PNPLA8: variants seen among roughly 807,000 people sequenced by gnomAD.
PNPLA8 encodes calcium-independent phospholipase A2-gamma.
A neutral mutation model predicts 76.9 loss-of-function variants in PNPLA8; 39 were observed. The observed-to-expected ratio is 0.51, with a 90% CI of 0.39 to 0.66. The LOEUF is 0.66. Among genes scored for constraint, PNPLA8 ranks in the 30% least tolerant of loss-of-function variants. The pLI, the probability that PNPLA8 is intolerant of heterozygous loss-of-function variation, is 0.00. For synonymous variants in PNPLA8, 301 were observed against 307.9 expected (o/e 0.98, Z 0.24); for missense variants, 887 against 918.0 (o/e 0.97, Z 0.44).
At chr7:108,526,159 C>A, upstream of PNPLA8, 1 of 867,928 alleles carries the variant, frequency 1.2e-6, no homozygotes, top group Non-Finnish European at 1.4e-6. Context: ...GGTCGCCACC[C>A]ACTCAGCCCC....
intron 4 of PNPLA8, among the ~76,000 whole-genome samples, chr7:108,509,112 A>G (rs1448867964): frequency 8.9e-6 from 1 of 111,990 alleles, no homozygotes; most frequent in African/African-American, 3.9e-5. Context: ...GGACATAGGC[A>G]TGGTCAAGGA....
chr7:108,486,179 A>T (rs986906191), intron 9 of PNPLA8, among the ~76,000 whole-genome samples: 3 of 152,100 alleles, frequency 2.0e-5, no homozygotes, highest in Non-Finnish European at 4.4e-5. Flanking sequence ...CAAATGAAAT[A>T]ACTTCTTTTG....
At chr7:108,480,593 C>CAGG in intron 9 of PNPLA8, 1 of 231,556 alleles carries the variant, frequency 4.3e-6, no homozygotes, top group Non-Finnish European at 9.2e-6. Context: ...AGCACTATCA[C>CAGG]TGCTGAGAAT....
chr7:108,507,216 G>A (rs897582701), intron 4 of PNPLA8, among the ~76,000 whole-genome samples: 13 of 151,638 alleles, frequency 8.6e-5, no homozygotes, highest in East Asian at 3.9e-4. Context: ...GGTGGCGGGC[G>A]CCTGTAGTCC....
At position 108,496,641 on chromosome 7, in the gene PNPLA8, A is replaced by G; in HGVS notation, c.1568T>C (p.Val523Ala). ...VFSQNVIVGT[V>A]KMSWSHAFYD... ...AAATGCATGGCTCCAACTCATTTTT[A>G]CTGTTCCAACAATGACATTTTGTGA... The change falls in exon 7 of 11, where the codon GTA (valine) becomes GCA (alanine). Residue 523 changes from valine to alanine, a missense_variant. Physicochemically the swap from Val to Ala is moderately conservative, Grantham distance 64. Transcript: ENST00000257694. The G allele has an allele frequency of 6.2e-7, 1 of 1,610,060 alleles. No individual in the cohort carries two copies. Among genetic ancestry groups the G allele is most frequent in the Non-Finnish European group, 8.5e-7 (1 of 1,178,452 alleles).
At chr7:108,522,018 G>C (rs371535978) in intron 1 of PNPLA8, among the ~76,000 whole-genome samples, 1 of 152,162 alleles carries the variant, frequency 6.6e-6, no homozygotes, top group East Asian at 1.9e-4. Flanking sequence ...TTTACAGGCC[G>C]GGCGTGGTGG....
intron 7 of PNPLA8, among the ~76,000 whole-genome samples, chr7:108,492,616 GA>G (rs540499986): frequency 6.7e-6 from 1 of 149,656 alleles, no homozygotes; most frequent in Non-Finnish European, 1.5e-5. Context: ...GTCAAAATAT[GA>G]AAAAAAAATC....
At chr7:108,475,601 G>A (rs1454665568) in intron 10 of PNPLA8, among the ~76,000 whole-genome samples, 1 of 152,082 alleles carries the variant, frequency 6.6e-6, no homozygotes, top group Non-Finnish European at 1.5e-5. Flanking sequence ...TCTCAGTAAT[G>A]TTTTATAGTT....
intron 5 of PNPLA8, 31 bp downstream of exon 5, chr7:108,502,460 A>AG: frequency 7.0e-7 from 1 of 1,421,292 alleles, no homozygotes; most frequent in Non-Finnish European, 9.3e-7. Flanking sequence ...AAAAAAAAAA[A>AG]AAAAAAAAAG....
chr7:108,493,226 AAAAT>A (rs1163333898), intron 7 of PNPLA8, among the ~76,000 whole-genome samples: 1 of 152,232 alleles, frequency 6.6e-6, no homozygotes, highest in Non-Finnish European at 1.5e-5. Context: ...GCCATGATTA[AAAAT>A]AAAGAAGTTG....
chr7:108,515,283 T>C lies in PNPLA8; in HGVS notation c.209A>G (p.His70Arg), dbSNP rs776658136. 1.2e-6 allele frequency: 2 copies of C among 1,609,816 alleles called. No individual in the cohort carries two copies. Among genetic ancestry groups the C allele is most frequent in the Admixed American group, 3.4e-5 (2 of 59,042 alleles). Reference protein sequence around the residue: ...TKSEAHSCSKHCYSPSNHGLH... With the variant: ...TKSEAHSCSKRCYSPSNHGLH... ...ACCATGGTTGCTTGGAGAGTAACAG[T>C]GCTTACTGCAAGAATGTGCTTCACT... Residue 70 changes from histidine to arginine, a missense_variant, in exon 3 of 11, where the codon CAC (histidine) becomes CGC (arginine). Physicochemically the swap from His to Arg is conservative, Grantham distance 29 (BLOSUM62 0). Transcript: ENST00000257694.
intron 9 of PNPLA8, among the ~76,000 whole-genome samples, chr7:108,482,595 T>C (rs1430078237): frequency 2.0e-5 from 3 of 152,234 alleles, no homozygotes; most frequent in Admixed American, 6.5e-5. Context: ...TTGCATTATA[T>C]TTATGGATCA....
intron 1 of PNPLA8, among the ~76,000 whole-genome samples, chr7:108,522,293 C>CA (rs1363551092): frequency 0.01 from 1,011 of 99,162 alleles, 10 homozygotes; most frequent in African/African-American, 0.031. Flanking sequence ...GACTCCCTCT[C>CA]AAAAAAAAAA....
chr7:108,522,565 T>C (rs888494325), intron 1 of PNPLA8, among the ~76,000 whole-genome samples: 5 of 152,108 alleles, frequency 3.3e-5, no homozygotes, highest in Non-Finnish European at 2.9e-5. Context: ...CACTAAAATG[T>C]ATAGAGGCAA....
upstream of PNPLA8, among the ~76,000 whole-genome samples, chr7:108,527,312 A>G (rs931037230): frequency 6.6e-6 from 1 of 152,164 alleles, no homozygotes; most frequent in Admixed American, 6.5e-5. Flanking sequence ...CCAGCTTGCT[A>G]TGTTCTTGGG....
At chr7:108,505,176 G>C (rs997077119) in intron 4 of PNPLA8, among the ~76,000 whole-genome samples, 1 of 149,064 alleles carries the variant, frequency 6.7e-6, no homozygotes, top group African/African-American at 2.5e-5. Flanking sequence ...GAGTCAACTG[G>C]ATAAGTGTAT....
chr7:108,480,348 A>T (rs922117314), intron 9 of PNPLA8, among the ~76,000 whole-genome samples: 1 of 152,220 alleles, frequency 6.6e-6, no homozygotes, highest in Non-Finnish European at 1.5e-5. Flanking sequence ...AGCCTGGGCG[A>T]CAGAGCAAGA....
chr7:108,506,222 C>A (rs1449657244), intron 4 of PNPLA8, among the ~76,000 whole-genome samples: 4 of 151,910 alleles, frequency 2.6e-5, no homozygotes, highest in Admixed American at 2.0e-4. Flanking sequence ...TACTAAAAAA[C>A]CAAAAATTAG....
intron 4 of PNPLA8, chr7:108,502,856 C>G (rs1313685387): frequency 2.8e-6 from 1 of 352,894 alleles, no homozygotes; most frequent in East Asian, 4.5e-5. Flanking sequence ...AAAAATTAAC[C>G]AATATTCAAA....
Sources: gnomAD v4.1 joint callset for allele counts (sites outside exome capture counted in the v4.1 genomes callset) on GRCh38, gnomAD v4.1.1 for gene constraint, MANE v1.5 for transcripts, NCBI Gene and HGNC (gene_info 2026-07-23, HGNC 2026-07-21) for gene names.